Variants in KCNH7 observed in about 807,000 individuals in gnomAD.
KCNH7 encodes the protein potassium voltage-gated channel subfamily H member 7.
A neutral mutation model predicts 120.8 loss-of-function variants in KCNH7; 49 were observed. That is an observed-to-expected ratio of 0.41 (90% CI 0.32 to 0.51). The LOEUF is 0.51. Among genes scored for constraint, KCNH7 ranks in the 20% least tolerant of loss-of-function variants. The pLI is 0.38. For missense variants in KCNH7, 1,097 were observed against 1,446.6 expected, an observed-to-expected ratio of 0.76 and a Z score of 3.92; for synonymous variants, 547 against 516.1, an observed-to-expected ratio of 1.06 and a Z score of -0.81.
chr2:162,761,572 A>G (rs2105451768), intron 2 of KCNH7, among the ~76,000 whole-genome samples: 1 of 152,220 alleles, frequency 6.6e-6, no homozygotes, highest in Admixed American at 6.6e-5. Context: ...AGCACTTTGA[A>G]CATTTAACAG....
intron 3 of KCNH7, among the ~76,000 whole-genome samples, 172 bp from the exon 4 acceptor site, chr2:162,518,330 T>C (rs1198007113): frequency 2.0e-5 from 3 of 151,862 alleles, no homozygotes; most frequent in Non-Finnish European, 4.4e-5. Flanking sequence ...ATGTGAAGTA[T>C]GATATAAATA....
At chr2:162,770,757 T>C (rs1683018930) in intron 2 of KCNH7, among the ~76,000 whole-genome samples, 1 of 152,164 alleles carries the variant, frequency 6.6e-6, no homozygotes, top group Non-Finnish European at 1.5e-5. Context: ...GACATCTATA[T>C]TTCTAAATAT....
chr2:162,513,494 C>T (rs1016552518), intron 4 of KCNH7, among the ~76,000 whole-genome samples: 1 of 135,652 alleles, frequency 7.4e-6, no homozygotes, highest in East Asian at 2.8e-4. Context: ...TCCTTCCTTC[C>T]TTCCTTCCTT....
intron 2 of KCNH7, among the ~76,000 whole-genome samples, chr2:162,553,606 G>A (rs149191200): frequency 1.2e-3 from 176 of 152,080 alleles, no homozygotes; most frequent in African/African-American, 3.7e-3. Context: ...CCAAGATTGC[G>A]CCACTGCGGT....
At position 162,577,638 on chromosome 2, in the gene KCNH7, A is replaced by G. The variant is rs546146357; in HGVS notation, c.308-40558T>C. On this transcript the variant is annotated intron_variant, in intron 2 of 15. Coordinates refer to ENST00000332142, the MANE Select transcript of KCNH7 (RefSeq NM_033272.4). Reference sequence around the variant, plus strand: ...ATAATCTAATTTCAGTTACTTCTGCATAACTGAGAGAATACAACCTGTTCC... The same window carrying G: ...ATAATCTAATTTCAGTTACTTCTGCGTAACTGAGAGAATACAACCTGTTCC... Among the ~76,000 whole-genome samples the G allele has an allele frequency of 5.3e-5, 8 of 152,170 alleles. No homozygotes were observed. In the South Asian group the frequency reaches 1.2e-3, roughly 24 times the overall value.
At chr2:162,803,669 A>AATCACCCCTGGAATCTGAGTGACTGTAGC in intron 2 of KCNH7, among the ~76,000 whole-genome samples, 1 of 151,830 alleles carries the variant, frequency 6.6e-6, no homozygotes, top group Non-Finnish European at 1.5e-5. Context: ...CTAATGAAAG[A>AATCACCCCTGGAATCTGAGTGACTGTAGC]ATCACCCCTG....
At chr2:162,756,511 G>T (rs1688794268) in intron 2 of KCNH7, among the ~76,000 whole-genome samples, 1 of 152,118 alleles carries the variant, frequency 6.6e-6, no homozygotes, top group Non-Finnish European at 1.5e-5. Context: ...CTGTCACCCA[G>T]GTTGCAGTGC....
At chr2:162,693,510 T>C (rs1199476029) in intron 2 of KCNH7, among the ~76,000 whole-genome samples, 1 of 152,178 alleles carries the variant, frequency 6.6e-6, no homozygotes, top group Non-Finnish European at 1.5e-5. Context: ...TGTGGAAGAA[T>C]TATTCTATGT....
intron 9 of KCNH7, 93 bp from the exon 10 acceptor site, chr2:162,400,534 T>C (rs76459697): frequency 0.013 from 16,921 of 1,279,420 alleles, 157 homozygotes; most frequent in Non-Finnish European, 0.016. Context: ...ACTGCAGGTG[T>C]AGTCATTGCC....
chr2:162,654,091 A>ATT lies in KCNH7; in HGVS notation c.308-117013_308-117012dup, dbSNP rs201629891. ...CTCCATGACCTTAGTGTGAGCAATG[A>ATT]TTTTTTTTTTTTGAAATGACCCTAA... On this transcript the variant is annotated intron_variant, in intron 2 of 15. Transcript: ENST00000332142. Among the ~76,000 whole-genome samples the ATT allele has an allele frequency of 6.4e-4, 94 of 146,520 alleles. 1 individual carries two copies. Among genetic ancestry groups the ATT allele is most frequent in the African/African-American group, 1.6e-3 (65 of 39,986 alleles).
intron 2 of KCNH7, among the ~76,000 whole-genome samples, chr2:162,733,581 G>A (rs962378909): frequency 1.3e-5 from 2 of 152,200 alleles, no homozygotes; most frequent in African/African-American, 2.4e-5. Context: ...GACTCATGAC[G>A]TGCATGTAGC....
intron 2 of KCNH7, among the ~76,000 whole-genome samples, chr2:162,628,277 T>C (rs920621460): frequency 1.3e-5 from 2 of 152,072 alleles, no homozygotes; most frequent in African/African-American, 4.8e-5. Context: ...GGAAATTTCA[T>C]CCTCTCCTTG....
At chr2:162,751,520 A>G (rs1166880031) in intron 2 of KCNH7, among the ~76,000 whole-genome samples, 1 of 152,032 alleles carries the variant, frequency 6.6e-6, no homozygotes, top group Non-Finnish European at 1.5e-5. Context: ...TGATTGTACA[A>G]ATAATTCATG....
intron 3 of KCNH7, among the ~76,000 whole-genome samples, chr2:162,524,439 C>G (rs1691633366): frequency 6.6e-6 from 1 of 152,014 alleles, no homozygotes; most frequent in Non-Finnish European, 1.5e-5. Flanking sequence ...TGGGCTGTCT[C>G]AGCCCTAAGG....
At chr2:162,571,697 G>C (rs1693481464) in intron 2 of KCNH7, among the ~76,000 whole-genome samples, 1 of 140,114 alleles carries the variant, frequency 7.1e-6, no homozygotes, top group Non-Finnish European at 1.5e-5. Context: ...CCAAAACAGA[G>C]ATATAGATCA....
intron 2 of KCNH7, among the ~76,000 whole-genome samples, chr2:162,832,609 A>G (rs1685515005): frequency 6.6e-6 from 1 of 152,142 alleles, no homozygotes; most frequent in Non-Finnish European, 1.5e-5. Flanking sequence ...GAGGATGGAA[A>G]TGAATATTAG....
chr2:162,666,745 CATT>C (rs1169969721), intron 2 of KCNH7, among the ~76,000 whole-genome samples: 1 of 152,134 alleles, frequency 6.6e-6, no homozygotes, highest in African/African-American at 2.4e-5. Context: ...TTCTTGATCA[CATT>C]ATATCATTTA....
intron 2 of KCNH7, among the ~76,000 whole-genome samples, chr2:162,586,367 G>A (rs916387822): frequency 1.3e-5 from 2 of 152,028 alleles, no homozygotes; most frequent in African/African-American, 4.8e-5. Context: ...TTAGGACAAT[G>A]AACCACGTGG....
intron 10 of KCNH7, 105 bp downstream of exon 10, chr2:162,400,084 C>A (rs995330302): frequency 1.0e-5 from 13 of 1,253,466 alleles, no homozygotes; most frequent in Non-Finnish European, 1.5e-5. Flanking sequence ...CCATCTTAAA[C>A]TGTTCTTATG....
Sources: gnomAD v4.1 joint callset for allele counts (sites outside exome capture counted in the v4.1 genomes callset) on GRCh38, gnomAD v4.1.1 for gene constraint, MANE v1.5 for transcripts, NCBI Gene and HGNC (gene_info 2026-07-23, HGNC 2026-07-21) for gene names.